Variants in USH2A observed in about 807,000 individuals in gnomAD.
USH2A encodes Usher syndrome 2A (autosomal recessive, mild).
A neutral mutation model predicts 538.9 loss-of-function variants in USH2A; 443 were observed. That is an observed-to-expected ratio of 0.82 (90% CI 0.76 to 0.89). USH2A has a LOEUF of 0.89. USH2A is among the 40% of genes least tolerant of loss of function. USH2A has a pLI of 0.00. For synonymous variants in USH2A, 2,413 were observed against 2,273.5 expected, an observed-to-expected ratio of 1.06 and a Z score of -1.75; for missense variants, 6,633 against 6,324.8, an observed-to-expected ratio of 1.05 and a Z score of -1.65.
chr1:215,949,383 A>G (rs1391310519), intron 37 of USH2A, among the ~76,000 whole-genome samples: 2 of 151,896 alleles, frequency 1.3e-5, no homozygotes, highest in East Asian at 3.9e-4. Context: ...AGGAGACTCC[A>G]TTAAAAATAT....
chr1:215,693,149 T>A (rs1483495907), intron 61 of USH2A, among the ~76,000 whole-genome samples: 1 of 130,982 alleles, frequency 7.6e-6, no homozygotes, highest in African/African-American at 2.9e-5. Flanking sequence ...CACACACATA[T>A]GTATTTTTTT....
At chr1:215,746,882 AAC>A (rs1349970062) in intron 58 of USH2A, among the ~76,000 whole-genome samples, 1 of 152,204 alleles carries the variant, frequency 6.6e-6, no homozygotes, top group Non-Finnish European at 1.5e-5. Flanking sequence ...AAATTTGGGA[AAC>A]ACAGGATTTC....
chr1:216,218,661 T>A (rs1168363057), intron 14 of USH2A, among the ~76,000 whole-genome samples: 1 of 152,058 alleles, frequency 6.6e-6, no homozygotes, highest in Non-Finnish European at 1.5e-5. Flanking sequence ...TGGGAATAAA[T>A]AAAGTACAGT....
chr1:215,924,715 G>T (rs1000031824), intron 38 of USH2A, among the ~76,000 whole-genome samples: 2 of 151,772 alleles, frequency 1.3e-5, no homozygotes, highest in East Asian at 3.9e-4. Flanking sequence ...AATATCAATG[G>T]AACTTAAAGG....
intron 3 of USH2A, among the ~76,000 whole-genome samples, chr1:216,402,181 G>A (rs2039316888): frequency 1.3e-5 from 2 of 152,186 alleles, no homozygotes; most frequent in African/African-American, 4.8e-5. Flanking sequence ...CTGAACAAAT[G>A]TTAAAGAACT....
At chr1:215,803,288 C>T (rs558607632) in intron 49 of USH2A, among the ~76,000 whole-genome samples, 38 of 152,054 alleles carry the variant, frequency 2.5e-4, no homozygotes, top group African/African-American at 7.7e-4. Flanking sequence ...GCCAGGGCAA[C>T]CAGGCAGGAG....
chr1:216,325,189 T>G, intron 6 of USH2A, 116 bp downstream of exon 6: 14 of 1,188,676 alleles, frequency 1.2e-5, no homozygotes, highest in Non-Finnish European at 1.5e-5. Flanking sequence ...GATTTCATAT[T>G]TCTGATCTCC....
chr1:216,130,438 C>A (rs550175251), intron 21 of USH2A, among the ~76,000 whole-genome samples: 9 of 150,972 alleles, frequency 6.0e-5, no homozygotes, highest in Admixed American at 1.3e-4. Context: ...AGTTGCTTCA[C>A]TTAGGATAAT....
rs2102549051 is a variant in USH2A, at chr1:216,073,197, T to C, written c.5676A>G (p.Leu1892=). The C allele has an allele frequency of 3.7e-6, 6 of 1,613,922 alleles. No individual in the cohort carries two copies. Among genetic ancestry groups the C allele is most frequent in the Non-Finnish European group, 5.1e-6 (6 of 1,179,976 alleles). The stretch of plus-strand genomic sequence containing the variant: ...TGCAGTTAACAGCACTGTCAGTTGA[T>C]AGGCATCCATCCAGATTGACTCTGA... ...GAVRVNLDGC[L]STDSAVNCRG... is the part of the protein sequence containing the mutation. Residue 1892 remains leucine (L), a synonymous_variant, in exon 28 of 72, where the codon CTA becomes CTG. Transcript: ENST00000307340.
intron 49 of USH2A, among the ~76,000 whole-genome samples, chr1:215,813,368 T>C (rs1344258225): frequency 6.6e-6 from 1 of 152,068 alleles, no homozygotes. Context: ...AGATTAGAAA[T>C]GGAGGAAGTG....
chr1:215,650,967 A>G (rs1404938631), intron 64 of USH2A, among the ~76,000 whole-genome samples, 166 bp from the exon 65 acceptor site: 1 of 152,078 alleles, frequency 6.6e-6, no homozygotes, highest in Non-Finnish European at 1.5e-5. Flanking sequence ...CAGGAGAGCA[A>G]GGAGAGCAGG....
At chr1:215,770,281 T>G (rs1180389238) in intron 55 of USH2A, among the ~76,000 whole-genome samples, 2 of 152,088 alleles carry the variant, frequency 1.3e-5, no homozygotes, top group African/African-American at 2.4e-5. Context: ...ACTCAATGGC[T>G]GCCTTCCCTC....
At chr1:215,751,879 A>G (rs1660632428) in intron 58 of USH2A, among the ~76,000 whole-genome samples, 1 of 152,162 alleles carries the variant, frequency 6.6e-6, no homozygotes, top group African/African-American at 2.4e-5. Flanking sequence ...TGTACAGATG[A>G]GAAACCTGAA....
At chr1:215,859,749 G>T (rs1018901689) in intron 44 of USH2A, among the ~76,000 whole-genome samples, 8 of 152,118 alleles carry the variant, frequency 5.3e-5, no homozygotes, top group African/African-American at 1.7e-4. Context: ...GAGAATTAGG[G>T]CTTTAGTCCA....
intron 37 of USH2A, among the ~76,000 whole-genome samples, chr1:215,943,714 C>T (rs1037556439): frequency 5.3e-5 from 8 of 152,042 alleles, no homozygotes; most frequent in South Asian, 4.1e-4. Flanking sequence ...TTTTCCAAGG[C>T]GACTGAATGG....
chr1:216,282,174 T>G (rs1162575560), intron 11 of USH2A, among the ~76,000 whole-genome samples: 1 of 152,144 alleles, frequency 6.6e-6, no homozygotes, highest in Non-Finnish European at 1.5e-5. Context: ...TGCAACTAAT[T>G]CTTTGGGTTG....
At chr1:216,059,707 T>A (rs1348462603) in intron 30 of USH2A, among the ~76,000 whole-genome samples, 1 of 152,216 alleles carries the variant, frequency 6.6e-6, no homozygotes, top group Non-Finnish European at 1.5e-5. Context: ...TGCTCTCACT[T>A]TTATATGAAC....
At chr1:216,072,462 C>A in intron 29 of USH2A, 1 of 272,180 alleles carries the variant, frequency 3.7e-6, no homozygotes, top group Non-Finnish European at 7.2e-6. Context: ...CTGATTCCAA[C>A]CAGTTGCAGG....
intron 4 of USH2A, among the ~76,000 whole-genome samples, chr1:216,358,974 A>G (rs554747223): frequency 4.6e-5 from 7 of 152,294 alleles, no homozygotes; most frequent in African/African-American, 1.7e-4. Context: ...ACTTTGAGCA[A>G]CATTTGGTGC....
Sources: gnomAD v4.1 joint callset for allele counts (sites outside exome capture counted in the v4.1 genomes callset) on GRCh38, gnomAD v4.1.1 for gene constraint, MANE v1.5 for transcripts, NCBI Gene and HGNC (gene_info 2026-07-23, HGNC 2026-07-21) for gene names.